MTMR3: variants seen among roughly 807,000 people sequenced by gnomAD.
MTMR3 encodes phosphatidylinositol-3,5-bisphosphate 3-phosphatase MTMR3.
A neutral mutation model predicts 132.4 loss-of-function variants in MTMR3; 32 were observed. The ratio of observed to expected loss-of-function variants is 0.24; its 90% CI spans 0.18 to 0.32. MTMR3 has a LOEUF of 0.32. Ranked by LOEUF, MTMR3 falls within the 10% of genes least tolerant of loss-of-function variation. The pLI, the probability that MTMR3 is intolerant of heterozygous loss-of-function variation, is 1.00. For synonymous variants in MTMR3, 556 were observed against 550.3 expected (o/e 1.01, Z -0.14); for missense variants, 1,216 against 1,489.6 (o/e 0.82, Z 3.02).
intron 2 of MTMR3, among the ~76,000 whole-genome samples, chr22:29,962,345 C>G (rs1461791261): frequency 1.3e-5 from 2 of 152,180 alleles, no homozygotes; most frequent in African/African-American, 4.8e-5. Flanking sequence ...GCCATCACCA[C>G]AGTCCATTTT....
intron 2 of MTMR3, among the ~76,000 whole-genome samples, chr22:29,970,105 G>A (rs987271795): frequency 6.6e-6 from 1 of 152,134 alleles, no homozygotes; most frequent in Admixed American, 6.6e-5. Context: ...TTTCTAGTTG[G>A]ATATTCTTTC....
At chr22:29,895,649 C>G (rs1213928051) in intron 1 of MTMR3, among the ~76,000 whole-genome samples, 1 of 152,094 alleles carries the variant, frequency 6.6e-6, no homozygotes, top group African/African-American at 2.4e-5. Flanking sequence ...TTCTGTGGAC[C>G]AGTGCTGGCT....
chr22:29,935,742 C>CT (rs35840801), intron 1 of MTMR3, among the ~76,000 whole-genome samples: 90,617 of 125,720 alleles, frequency 0.72, 33,328 homozygotes, highest in East Asian at 0.9. Flanking sequence ...TCCATGCCCA[C>CT]TTTTTTTTTT....
At chr22:29,994,827 G>A (rs1358290672) in intron 7 of MTMR3, 2 of 152,200 alleles carry the variant, frequency 1.3e-5, no homozygotes, top group African/African-American at 2.4e-5. Context: ...ACAGCTCTAA[G>A]GCTTAATCAG....
chr22:30,003,903 C>G (rs1443163263), intron 9 of MTMR3: 1 of 152,138 alleles, frequency 6.6e-6, no homozygotes. Flanking sequence ...CCCAGTTTGC[C>G]GGCTTTTTGG....
At chr22:29,933,252 A>G (rs1295229773) in intron 1 of MTMR3, among the ~76,000 whole-genome samples, 1 of 151,826 alleles carries the variant, frequency 6.6e-6, no homozygotes, top group African/African-American at 2.4e-5. Flanking sequence ...ACAGGTGGAG[A>G]GTTTATTTCT....
intron 2 of MTMR3, among the ~76,000 whole-genome samples, chr22:29,958,255 C>T (rs1184844822): frequency 6.6e-6 from 1 of 152,154 alleles, no homozygotes; most frequent in Non-Finnish European, 1.5e-5. Flanking sequence ...CCTCTTGTTT[C>T]TGCCACCTGT....
chr22:29,977,618 T>C (rs188021352), intron 3 of MTMR3, among the ~76,000 whole-genome samples: 1 of 152,318 alleles, frequency 6.6e-6, no homozygotes, highest in Non-Finnish European at 1.5e-5. Context: ...ATTTCACATA[T>C]AACCAGAGTA....
chr22:29,960,226 T>C (rs895548282), intron 2 of MTMR3, among the ~76,000 whole-genome samples: 5 of 152,164 alleles, frequency 3.3e-5, no homozygotes, highest in Non-Finnish European at 7.3e-5. Context: ...CCAGACTAGA[T>C]CCTTTACCAA....
chr22:29,955,082 C>T (rs1020096618), intron 1 of MTMR3, among the ~76,000 whole-genome samples: 4 of 152,138 alleles, frequency 2.6e-5, no homozygotes, highest in East Asian at 1.9e-4. Context: ...CTTGACCTCC[C>T]GGGCCCAAGC....
intron 1 of MTMR3, among the ~76,000 whole-genome samples, chr22:29,954,735 T>C (rs888443671): frequency 2.0e-5 from 3 of 152,224 alleles, no homozygotes; most frequent in African/African-American, 7.2e-5. Flanking sequence ...GAATTAAATC[T>C]AGCACCATCA....
intron 5 of MTMR3, chr22:29,986,851 C>CA (rs200801527): frequency 7.2e-6 from 1 of 138,816 alleles, no homozygotes; most frequent in African/African-American, 2.5e-5. Flanking sequence ...AGGCATGCAC[C>CA]AAATACAGGC....
At chr22:29,990,338 G>A (rs916745500) in intron 6 of MTMR3, 1 of 152,144 alleles carries the variant, frequency 6.6e-6, no homozygotes, top group African/African-American at 2.4e-5. Flanking sequence ...GACCTCTTCT[G>A]GGGTGTCAGT....
chr22:30,016,383 T>A, intron 14 of MTMR3, 145 bp from the exon 15 acceptor site: 1 of 823,638 alleles, frequency 1.2e-6, no homozygotes, highest in African/African-American at 1.7e-5. Context: ...AGGAGGAGGC[T>A]ACTGCATGGC....
chr22:29,938,562 T>C lies in MTMR3; in HGVS notation c.-137-18474T>C, dbSNP rs919925990. ...ATTTTTCTTGGTCATTAGAGTAAAGTATATGCAAATTCTTTTCTTCTTTTC... is the reference window on the plus strand; with the variant it reads ...ATTTTTCTTGGTCATTAGAGTAAAGCATATGCAAATTCTTTTCTTCTTTTC... On this transcript the variant is annotated intron_variant, in intron 1 of 19. Transcript: ENST00000401950. Among the ~76,000 whole-genome samples, 39 of 152,160 alleles carry C rather than the reference T, an allele frequency of 2.6e-4. 1 individual carries two copies. Among genetic ancestry groups the C allele is most frequent in the African/African-American group, 9.4e-4 (39 of 41,412 alleles).
chr22:29,994,953 G>C (rs1170400970), intron 7 of MTMR3: 1 of 152,198 alleles, frequency 6.6e-6, no homozygotes, highest in East Asian at 1.9e-4. Context: ...TGGACTGAAA[G>C]CTAAAAGCTT....
Position 29,928,171 on chromosome 22 carries a change from C to CTT in MTMR3, c.-137-28847_-137-28846dup, listed in dbSNP as rs66896756. Reference sequence around the variant, plus strand: ...CGGGTAATCACTACATTTTTTTTTTCTTTTTTTTTTTTTTTTTTTAGACAA... The same window carrying CTT: ...CGGGTAATCACTACATTTTTTTTTTCTTTTTTTTTTTTTTTTTTTTTAGACAA... On this transcript the variant is annotated intron_variant, in intron 1 of 19. Coordinates refer to ENST00000401950, the MANE Select transcript of MTMR3 (RefSeq NM_021090.4). 4.2e-3 allele frequency among the ~76,000 whole-genome samples: 451 copies of CTT among 107,664 alleles called. 3 individuals carry two copies. Among genetic ancestry groups the CTT allele is most frequent in the African/African-American group, 0.013 (368 of 27,612 alleles). 70.6% of individuals were successfully genotyped at this position (107,664 alleles called of 152,430 possible). A position where few individuals can be genotyped will look rare whatever the true frequency, so the allele number is the denominator to read the frequency against.
At chr22:29,977,291 TAAAAA>T (rs1048661935) in intron 3 of MTMR3, among the ~76,000 whole-genome samples, 42 of 152,258 alleles carry the variant, frequency 2.8e-4, no homozygotes, top group African/African-American at 8.9e-4. Flanking sequence ...AACCCTGACT[TAAAAA>T]AGAAAAGTGC....
chr22:29,994,179 A>G (rs748908641), intron 7 of MTMR3: 72 of 977,386 alleles, frequency 7.4e-5, no homozygotes, highest in Non-Finnish European at 8.0e-5. Flanking sequence ...AGGTAATGCA[A>G]TCATAACTGT....
Sources: allele counts gnomAD v4.1 joint callset (sites outside exome capture counted in the v4.1 genomes callset), GRCh38; gene constraint gnomAD v4.1.1; transcripts MANE v1.5; gene names NCBI Gene and HGNC (gene_info 2026-07-23, HGNC 2026-07-21).